DDR2: variants seen among roughly 807,000 people sequenced by gnomAD.
DDR2 encodes discoidin domain-containing receptor 2.
In DDR2, 27 loss-of-function variants were observed where a neutral mutation model predicts 94.9. That is an observed-to-expected ratio of 0.28 (90% CI 0.21 to 0.39). DDR2 has a LOEUF of 0.39. Among genes scored for constraint, DDR2 ranks in the 10% least tolerant of loss-of-function variants. The probability of loss-of-function intolerance (pLI) is 1.00; values close to 1 mark genes in which losing one functional copy is unlikely to be tolerated. For synonymous variants in DDR2, 382 were observed against 377.2 expected (o/e 1.01, Z -0.15); for missense variants, 783 against 1,076.0 (o/e 0.73, Z 3.81).
intron 2 of DDR2, among the ~76,000 whole-genome samples, chr1:162,661,008 A>G (rs568784907): frequency 6.6e-6 from 1 of 152,316 alleles, no homozygotes; most frequent in African/African-American, 2.4e-5. Flanking sequence ...TCAAATAGCT[A>G]TACTCTCTTG....
At chr1:162,652,516 C>T (rs1457851218) in intron 1 of DDR2, among the ~76,000 whole-genome samples, 1 of 152,182 alleles carries the variant, frequency 6.6e-6, no homozygotes, top group African/African-American at 2.4e-5. Context: ...TCCCAGACTT[C>T]CTAAAAGAGT....
At chr1:162,755,638 C>T (rs779593506) in intron 6 of DDR2, 26 bp from the exon 7 acceptor site, 16 of 1,606,026 alleles carry the variant, frequency 1.0e-5, no homozygotes, top group Non-Finnish European at 1.4e-5. Flanking sequence ...GCAGTAGGCA[C>T]TCACTTGGCT....
intron 15 of DDR2, 141 bp from the exon 16 acceptor site, chr1:162,775,995 G>A: frequency 7.7e-7 from 1 of 1,303,684 alleles, no homozygotes; most frequent in South Asian, 1.2e-5. Context: ...TGCCCTTTGG[G>A]GAAACGCAAG....
At chr1:162,752,456 A>C (rs1663259739) in intron 3 of DDR2, among the ~76,000 whole-genome samples, 1 of 152,128 alleles carries the variant, frequency 6.6e-6, no homozygotes, top group South Asian at 2.1e-4. Flanking sequence ...TTAAAACATA[A>C]TTTTTCATAT....
intron 1 of DDR2, among the ~76,000 whole-genome samples, chr1:162,648,709 G>A (rs1229991822): frequency 6.6e-6 from 1 of 152,192 alleles, no homozygotes; most frequent in Non-Finnish European, 1.5e-5. Flanking sequence ...CAGGGTGGTG[G>A]AGTGCAGAAA....
chr1:162,733,081 A>G (rs1662136691), intron 3 of DDR2, among the ~76,000 whole-genome samples: 1 of 152,226 alleles, frequency 6.6e-6, no homozygotes, highest in Admixed American at 6.5e-5. Context: ...AAAACCGCTA[A>G]GACAACTCAG....
intron 3 of DDR2, among the ~76,000 whole-genome samples, chr1:162,721,255 C>T (rs1471933104): frequency 1.3e-5 from 2 of 152,180 alleles, no homozygotes. Flanking sequence ...AGAGTCCACA[C>T]TGTGGCCCTG....
intron 11 of DDR2, among the ~76,000 whole-genome samples, chr1:162,769,251 C>T (rs1049295743): frequency 6.6e-6 from 1 of 152,242 alleles, no homozygotes; most frequent in Non-Finnish European, 1.5e-5. Context: ...TACCCCTGTA[C>T]ATCCTGAGTA....
At chr1:162,754,517 C>A in intron 4 of DDR2, 107 bp from the exon 5 acceptor site, 1 of 1,113,666 alleles carries the variant, frequency 9.0e-7, no homozygotes, top group Non-Finnish European at 1.4e-6. Context: ...TTTATAAGGA[C>A]AGCCTGCTCT....
chr1:162,740,532 G>A (rs1191002569), intron 3 of DDR2, among the ~76,000 whole-genome samples: 1 of 152,044 alleles, frequency 6.6e-6, no homozygotes, highest in African/African-American at 2.4e-5. Flanking sequence ...CCTTCACTCA[G>A]GTCTCTGCTC....
chr1:162,642,626 T>A (rs1558000564), intron 1 of DDR2, among the ~76,000 whole-genome samples: 1 of 152,090 alleles, frequency 6.6e-6, no homozygotes, highest in African/African-American at 2.4e-5. Flanking sequence ...AGAAGGTGGT[T>A]ATTCCAGGAG....
At chr1:162,718,188 T>A (rs537913753) in intron 2 of DDR2, among the ~76,000 whole-genome samples, 1 of 152,326 alleles carries the variant, frequency 6.6e-6, no homozygotes, top group African/African-American at 2.4e-5. Context: ...TACCCCATCA[T>A]CTTTTTGTGT....
intron 2 of DDR2, among the ~76,000 whole-genome samples, chr1:162,668,188 G>A (rs1033225128): frequency 6.6e-6 from 1 of 152,202 alleles, no homozygotes; most frequent in Non-Finnish European, 1.5e-5. Context: ...CAGCCTGTGG[G>A]CCAGCAGCCT....
Position 162,780,988 on chromosome 1 carries a change from G to A in DDR2, c.*742G>A. The stretch of plus-strand genomic sequence containing the variant: ...AAAAAAAAGTACCTCATGGATGGAA[G>A]GATTCATGAATAGATAATGGACATA... On this transcript the variant is annotated 3_prime_UTR_variant, in exon 18 of 18. Transcript: ENST00000367921. The A allele has an allele frequency of 6.6e-6, 1 of 152,116 alleles. No homozygotes were observed. Among genetic ancestry groups the A allele is most frequent in the Non-Finnish European group, 1.5e-5 (1 of 68,052 alleles). 9.4% of individuals were successfully genotyped at this position (152,116 alleles called of 1,614,324 possible).
intron 2 of DDR2, among the ~76,000 whole-genome samples, chr1:162,704,895 C>T (rs1474157086): frequency 6.6e-6 from 1 of 152,226 alleles, no homozygotes; most frequent in Non-Finnish European, 1.5e-5. Flanking sequence ...GCTCTTGCTT[C>T]AAGGGGTTTT....
At chr1:162,718,998 C>G in intron 2 of DDR2, 39 bp from the exon 3 acceptor site, 1 of 1,597,580 alleles carries the variant, frequency 6.3e-7, no homozygotes. Context: ...ATTTCCTCTC[C>G]TTCTCTTTCT....
intron 1 of DDR2, among the ~76,000 whole-genome samples, chr1:162,643,212 T>A (rs1657232747): frequency 6.6e-6 from 1 of 152,074 alleles, no homozygotes; most frequent in Non-Finnish European, 1.5e-5. Context: ...CCCCCCATGC[T>A]CCAGAAAAAT....
At position 162,759,921 on chromosome 1, in the gene DDR2, A is replaced by G. The variant is rs1356127876; in HGVS notation, c.797A>G (p.Asn266Ser). The G allele has an allele frequency of 9.9e-6, 16 of 1,614,026 alleles. No homozygotes were observed. Among genetic ancestry groups the G allele is most frequent in the African/African-American group, 5.3e-5 (4 of 74,920 alleles). Residue 266 changes from asparagine to serine, a missense_variant, in exon 8 of 18, where the codon AAT becomes AGT. By Grantham distance (46) the Asn-to-Ser change is conservative. Coordinates refer to ENST00000367921, the MANE Select transcript of DDR2 (RefSeq NM_006182.4). ...YVGWRNESAT[N>S]GYIEIMFEFD... is the part of the protein sequence containing the mutation. ...GGCTGGCGGAACGAGAGTGCCACCAATGGCTACATTGAGATCATGTTTGAA... is the reference window on the plus strand; with the variant it reads ...GGCTGGCGGAACGAGAGTGCCACCAGTGGCTACATTGAGATCATGTTTGAA...
intron 2 of DDR2, among the ~76,000 whole-genome samples, chr1:162,688,128 A>G (rs1295949250): frequency 6.6e-6 from 1 of 152,240 alleles, no homozygotes; most frequent in Admixed American, 6.5e-5. Flanking sequence ...AGTGGCTTCT[A>G]CCAATGGGAA....
Sources: allele counts gnomAD v4.1 joint callset (sites outside exome capture counted in the v4.1 genomes callset), GRCh38; gene constraint gnomAD v4.1.1; transcripts MANE v1.5; gene names NCBI Gene and HGNC (gene_info 2026-07-23, HGNC 2026-07-21).